The following SGMS1 variants were observed in gnomAD, a reference collection of about 807,000 sequenced individuals.
SGMS1 encodes phosphatidylcholine:ceramide cholinephosphotransferase 1.
SGMS1 carries 13 observed loss-of-function variants against 46.2 expected under a neutral mutation model. That is an observed-to-expected ratio of 0.28 (90% CI 0.18 to 0.45). The LOEUF (loss-of-function observed/expected upper bound fraction) is 0.45. Among genes scored for constraint, SGMS1 ranks in the 20% least tolerant of loss-of-function variants. The probability of loss-of-function intolerance (pLI) is 1.00; values close to 1 mark genes in which losing one functional copy is unlikely to be tolerated. For missense variants in SGMS1, 324 were observed against 519.9 expected, an observed-to-expected ratio of 0.62 and a Z score of 3.66; for synonymous variants, 203 against 187.8, an observed-to-expected ratio of 1.08 and a Z score of -0.66.
At chr10:50,537,368 C>T (rs12415836) in intron 2 of SGMS1, among the ~76,000 whole-genome samples, 30,215 of 151,584 alleles carry the variant, frequency 0.2, 3,953 homozygotes, top group East Asian at 0.64. Flanking sequence ...GGGTACTCAG[C>T]CCTCTACCCC....
intron 1 of SGMS1, among the ~76,000 whole-genome samples, chr10:50,621,195 A>AG (rs1564446322): frequency 6.6e-6 from 1 of 152,020 alleles, no homozygotes; most frequent in Non-Finnish European, 1.5e-5. Context: ...AACAAACAAA[A>AG]AAAAACTGAT....
Position 50,419,518 on chromosome 10 carries a change from T to G in SGMS1, c.-232+13958A>C, listed in dbSNP as rs150730008. ...GCAAATAGGCTTAAAATTGGAATGA[T>G]TTCATTTAGGTCACAGGTGAACCTA... On this transcript the variant is annotated intron_variant, in intron 6 of 10. Coordinates refer to ENST00000361781, the MANE Select transcript of SGMS1 (RefSeq NM_147156.4). 1.8e-4 allele frequency among the ~76,000 whole-genome samples: 27 copies of G among 152,302 alleles called. No homozygotes were observed. In the East Asian group the frequency reaches 5.0e-3, roughly 28 times the overall value.
At chr10:50,454,502 G>C (rs1299743378) in intron 5 of SGMS1, among the ~76,000 whole-genome samples, 1 of 152,088 alleles carries the variant, frequency 6.6e-6, no homozygotes, top group East Asian at 1.9e-4. Context: ...GGGGAAAAAA[G>C]AATCAGTGAG....
chr10:50,327,274 C>T lies in SGMS1; in HGVS notation c.672G>A (p.Leu224=). The change falls in exon 8 of 11, where the codon CTG becomes CTA. Residue 224 remains leucine (L), a synonymous_variant. Transcript: ENST00000361781. ...RFFCIVGTLY[L]YRCITMYVTT... ...TTACATACATTGTAATACACCGATA[C>T]AGGTACAGCGTGCCAACTATGCAGA... 1.9e-6 allele frequency: 3 copies of T among 1,611,032 alleles called. No individual in the cohort carries two copies. Among genetic ancestry groups the T allele is most frequent in the Non-Finnish European group, 1.7e-6 (2 of 1,178,572 alleles).
At chr10:50,539,860 C>A (rs1362753189) in intron 2 of SGMS1, among the ~76,000 whole-genome samples, 1 of 152,102 alleles carries the variant, frequency 6.6e-6, no homozygotes, top group Non-Finnish European at 1.5e-5. Flanking sequence ...AAATTAGAGT[C>A]CCTGCTGTAA....
upstream of SGMS1, chr10:50,624,886 C>T (rs12763503): frequency 1.0e-5 from 10 of 999,856 alleles, no homozygotes; most frequent in African/African-American, 1.4e-4. Context: ...ACTTGGCGAG[C>T]GGGGGAAGGG....
intron 2 of SGMS1, among the ~76,000 whole-genome samples, chr10:50,584,287 CAGGAGTTCAAGACCAGCCTGGCCA>C (rs1183388453): frequency 1.3e-5 from 2 of 152,094 alleles, no homozygotes; most frequent in African/African-American, 4.8e-5. Context: ...ATCACGAGGT[CAGGAGTTCAAGACCAGCCTGGCCA>C]ACATAGTGAA....
chr10:50,403,035 AGTTGC>A lies in SGMS1; in HGVS notation c.-232+30436_-232+30440del, dbSNP rs1222227746. 3.3e-5 allele frequency among the ~76,000 whole-genome samples: 5 copies of A among 152,288 alleles called. No homozygotes were observed. The East Asian group carries it at 9.6e-4, about 29-fold the overall frequency. ...GAATAATGGCCCCCAGTTCCACCCA[AGTTGC>A]TGCCAAAGACATTATGTTGTAACCA... is the stretch of plus-strand genomic sequence containing the variant. On this transcript the variant is annotated intron_variant, in intron 6 of 10. Transcript: ENST00000361781.
At chr10:50,346,852 A>G (rs1432791033) in intron 6 of SGMS1, among the ~76,000 whole-genome samples, 1 of 152,032 alleles carries the variant, frequency 6.6e-6, no homozygotes, top group Non-Finnish European at 1.5e-5. Context: ...GGTGCATGCC[A>G]CTGTATCTGG....
chr10:50,454,792 T>C (rs750739476), intron 5 of SGMS1, among the ~76,000 whole-genome samples: 11 of 152,310 alleles, frequency 7.2e-5, no homozygotes, highest in Non-Finnish European at 1.0e-4. Flanking sequence ...GAGGAAATCC[T>C]ACCTTTTCTC....
At chr10:50,408,431 T>TAAAA (rs71029307) in intron 6 of SGMS1, among the ~76,000 whole-genome samples, 3 of 95,218 alleles carry the variant, frequency 3.2e-5, no homozygotes, top group Non-Finnish European at 6.3e-5. Context: ...CCTCATCTCT[T>TAAAA]AAAAAAAAAA....
Position 50,307,382 on chromosome 10 carries a change from T to C in SGMS1, c.1063-61A>G, listed in dbSNP as rs757714201. 9.3e-6 allele frequency: 14 copies of C among 1,506,316 alleles called. No individual in the cohort carries two copies. Among genetic ancestry groups the C allele is most frequent in the African/African-American group, 1.4e-5 (1 of 72,372 alleles). The allele number at this position is 1,506,316 out of a possible 1,614,324, so 93.3% of individuals were successfully genotyped here. On this transcript the variant is annotated intron_variant, in intron 10 of 10. Transcript: ENST00000361781. The surrounding 1 kb of genome is among the most constrained non-coding windows in gnomAD (Gnocchi z 4.2). ...AATCTTTCACTTTAAGTTCAAATAC[T>C]TGCCACGCTAAAATTCCCAAAGGAC...
intron 1 of SGMS1, among the ~76,000 whole-genome samples, chr10:50,615,175 C>A (rs765465746): frequency 6.6e-6 from 1 of 152,152 alleles, no homozygotes; most frequent in African/African-American, 2.4e-5. Context: ...AGTCTGCAAC[C>A]TGAGCGCCCA....
upstream of SGMS1, chr10:50,624,840 A>G: frequency 1.0e-6 from 1 of 987,706 alleles, no homozygotes; most frequent in Non-Finnish European, 1.2e-6. Flanking sequence ...GGTGGCCTAC[A>G]GGCAGCCCGA....
intron 6 of SGMS1, among the ~76,000 whole-genome samples, chr10:50,358,080 G>A (rs907319761): frequency 1.3e-5 from 2 of 152,132 alleles, no homozygotes; most frequent in Non-Finnish European, 2.9e-5. Flanking sequence ...AGGAGTTCAT[G>A]ACCAGTCTAG....
intron 3 of SGMS1, among the ~76,000 whole-genome samples, chr10:50,502,306 GAA>G (rs71471395): frequency 1.5e-5 from 2 of 130,992 alleles, no homozygotes; most frequent in African/African-American, 5.7e-5. Flanking sequence ...AATGAGGAAA[GAA>G]AAAAAAAAAA....
intron 6 of SGMS1, among the ~76,000 whole-genome samples, chr10:50,355,346 C>T (rs997825104): frequency 6.6e-5 from 10 of 152,238 alleles, no homozygotes; most frequent in African/African-American, 1.9e-4. Flanking sequence ...ACTGTACTGC[C>T]GCCATCTCGG....
At chr10:50,460,473 A>T (rs887945340) in intron 5 of SGMS1, among the ~76,000 whole-genome samples, 200 bp downstream of exon 5, 1 of 152,224 alleles carries the variant, frequency 6.6e-6, no homozygotes, top group Non-Finnish European at 1.5e-5. Flanking sequence ...ATCAGAGTTC[A>T]TCAAAGAGTG....
intron 2 of SGMS1, among the ~76,000 whole-genome samples, chr10:50,563,797 A>G (rs1434916868): frequency 6.6e-6 from 1 of 151,768 alleles, no homozygotes; most frequent in Admixed American, 6.6e-5. Context: ...CATCCTATGC[A>G]ATCAGTCCCA....
Sources: gnomAD v4.1 joint callset for allele counts (sites outside exome capture counted in the v4.1 genomes callset) on GRCh38, gnomAD v4.1.1 for gene constraint, Gnocchi (gnomAD v3.1) non-coding constraint, MANE v1.5 for transcripts, NCBI Gene and HGNC (gene_info 2026-07-23, HGNC 2026-07-21) for gene names.